Variants in DCP1A observed in about 807,000 individuals in gnomAD.
DCP1A encodes decapping mRNA 1A, also known as mRNA-decapping enzyme 1A.
DCP1A carries 20 observed loss-of-function variants against 58.0 expected under a neutral mutation model. That is an observed-to-expected ratio of 0.34 (90% CI 0.24 to 0.50). The LOEUF (loss-of-function observed/expected upper bound fraction) is 0.50, where lower values mean the gene tolerates loss of function less well. Among genes scored for constraint, DCP1A ranks in the 20% least tolerant of loss-of-function variants. The pLI, the probability that DCP1A is intolerant of heterozygous loss-of-function variation, is 0.98. For missense variants in DCP1A, 613 were observed against 712.2 expected, an observed-to-expected ratio of 0.86 and a Z score of 1.59; for synonymous variants, 285 against 275.1, an observed-to-expected ratio of 1.04 and a Z score of -0.36.
At chr3:53,287,783 C>A in intron 9 of DCP1A, 123 bp from the exon 10 acceptor site, 1 of 709,472 alleles carries the variant, frequency 1.4e-6, no homozygotes, top group South Asian at 1.8e-5. Flanking sequence ...AATCCCACCA[C>A]CCAGAGACAA....
Position 53,347,523 on chromosome 3 carries a change from A to G in DCP1A, c.-6T>C. On this transcript the variant is annotated 5_prime_UTR_variant, in exon 1 of 10. Coordinates refer to ENST00000610213, the MANE Select transcript of DCP1A (RefSeq NM_018403.7). The stretch of plus-strand genomic sequence containing the variant: ...GCTCGACTCAGCGCCTCCATCTTGA[A>G]TCCCAGAGCCTAGCCCCTCTGGTGG... 1 of 1,608,806 alleles carries G rather than the reference A, an allele frequency of 6.2e-7. No homozygotes were observed. Among genetic ancestry groups the G allele is most frequent in the Admixed American group, 1.7e-5 (1 of 59,146 alleles).
At chr3:53,300,150 G>A (rs1553687256) in intron 6 of DCP1A, among the ~76,000 whole-genome samples, 4 of 152,094 alleles carry the variant, frequency 2.6e-5, no homozygotes, top group Non-Finnish European at 5.9e-5. Flanking sequence ...TGGGATTACA[G>A]GTGTGAGCCT....
intron 4 of DCP1A, among the ~76,000 whole-genome samples, chr3:53,315,320 A>G (rs1707769251): frequency 6.6e-6 from 1 of 151,976 alleles, no homozygotes. Flanking sequence ...TGGGTGGATC[A>G]TGAGGTCAGG....
Position 53,330,467 on chromosome 3 carries a change from G to A in DCP1A, c.305-10994C>T, listed in dbSNP as rs1178412892. Among the ~76,000 whole-genome samples, 3 of 151,896 alleles carry A rather than the reference G, an allele frequency of 2.0e-5. No individual in the cohort carries two copies. In the East Asian group the frequency reaches 5.8e-4, roughly 29 times the overall value. ...CCTAGCTACTCAGGGCAGTGGCTGA[G>A]GATGGAGGATCATTTGGACACTATA... is the stretch of plus-strand genomic sequence containing the variant. On this transcript the variant is annotated intron_variant, in intron 3 of 9. Coordinates refer to ENST00000610213, the MANE Select transcript of DCP1A (RefSeq NM_018403.7).
chr3:53,321,593 C>T (rs1358883845), intron 3 of DCP1A, among the ~76,000 whole-genome samples: 1 of 152,112 alleles, frequency 6.6e-6, no homozygotes, highest in African/African-American at 2.4e-5. Context: ...GTAGCGCATG[C>T]CCGTAATCCC....
intron 3 of DCP1A, among the ~76,000 whole-genome samples, chr3:53,334,702 T>G (rs1553691699): frequency 6.6e-6 from 1 of 152,164 alleles, no homozygotes; most frequent in Non-Finnish European, 1.5e-5. Flanking sequence ...ATTAATCATG[T>G]TATACTGTGG....
rs1706650638 is a variant in DCP1A at position 53,286,788 on chromosome 3, G to C, written c.*792C>G. 6.6e-6 allele frequency: 1 copy of C among 152,230 alleles called. No individual in the cohort carries two copies. Among genetic ancestry groups the C allele is most frequent in the Non-Finnish European group, 1.5e-5 (1 of 68,044 alleles). The allele number at this position is 152,230 out of a possible 1,614,324, so 9.4% of individuals were successfully genotyped here. ...AGGCTGTGCTTCACACACAAACTTA[G>C]CATTTTCAGAACCAATGGAGAGTTT... is the stretch of plus-strand genomic sequence containing the variant. On this transcript the variant is annotated 3_prime_UTR_variant, in exon 10 of 10. Coordinates refer to ENST00000610213, the MANE Select transcript of DCP1A (RefSeq NM_018403.7).
intron 6 of DCP1A, among the ~76,000 whole-genome samples, chr3:53,296,958 G>T (rs1363347117): frequency 6.6e-6 from 1 of 152,170 alleles, no homozygotes; most frequent in Non-Finnish European, 1.5e-5. Context: ...AGGAATCACC[G>T]AACTGTTTTT....
intron 5 of DCP1A, 123 bp downstream of exon 5, chr3:53,312,117 CT>C: frequency 9.5e-7 from 1 of 1,052,136 alleles, no homozygotes; most frequent in Non-Finnish European, 1.3e-6. Context: ...AACACGCTCT[CT>C]TTTTGAACTT....
At chr3:53,304,649 T>C (rs868938724) in intron 5 of DCP1A, among the ~76,000 whole-genome samples, 14 of 152,204 alleles carry the variant, frequency 9.2e-5, no homozygotes, top group Admixed American at 5.2e-4. Flanking sequence ...CTTGGCTCAC[T>C]ACAACCTCTG....
At chr3:53,298,672 A>G (rs1282819193) in intron 6 of DCP1A, among the ~76,000 whole-genome samples, 1 of 152,222 alleles carries the variant, frequency 6.6e-6, no homozygotes, top group Non-Finnish European at 1.5e-5. Flanking sequence ...TCAGCAAAGT[A>G]TAGGTTACCT....
At position 53,292,457 on chromosome 3, in the gene DCP1A, G is replaced by A. The variant is rs1379508506; in HGVS notation, c.995C>T (p.Pro332Leu). The A allele has an allele frequency of 4.3e-6, 7 of 1,614,014 alleles. No homozygotes were observed. Among genetic ancestry groups the A allele is most frequent in the Non-Finnish European group, 5.1e-6 (6 of 1,179,906 alleles). The change falls in exon 7 of 10, where the codon CCC (proline) becomes CTC (leucine). Residue 332 changes from proline (P) to leucine (L), a missense_variant. By Grantham distance (98) the Pro-to-Leu change is moderately conservative. Coordinates refer to ENST00000610213, the MANE Select transcript of DCP1A (RefSeq NM_018403.7). ...GGTGCTGTTTCGAGGTAAGCTGGGG[G>A]GAACCTGTGCAGTAGGAGCTTCAGC... ...LPAEAPTAQV[P>L]PSLPRNSTMM...
chr3:53,346,694 G>T (rs145637543), intron 1 of DCP1A, among the ~76,000 whole-genome samples: 33 of 152,254 alleles, frequency 2.2e-4, no homozygotes, highest in Non-Finnish European at 4.9e-4. Flanking sequence ...AGTCCGAGGG[G>T]AGCATTCAGA....
chr3:53,292,892 T>C (rs1706976768), intron 6 of DCP1A, 65 bp from the exon 7 acceptor site: 1 of 1,497,324 alleles, frequency 6.7e-7, no homozygotes, highest in Non-Finnish European at 8.9e-7. Flanking sequence ...CCAAACTTCT[T>C]TTCCAGAAGC....
intron 1 of DCP1A, among the ~76,000 whole-genome samples, chr3:53,345,355 A>G (rs2089279367): frequency 6.6e-6 from 1 of 152,168 alleles, no homozygotes; most frequent in East Asian, 1.9e-4. Context: ...AAAGGAATGA[A>G]ACTTTCTTAT....
intron 6 of DCP1A, among the ~76,000 whole-genome samples, chr3:53,298,092 C>T (rs1263770907): frequency 6.6e-6 from 1 of 152,154 alleles, no homozygotes; most frequent in East Asian, 1.9e-4. Context: ...GTGGTGTGCA[C>T]CTGTGGTCCT....
chr3:53,311,266 A>G (rs552433964), intron 5 of DCP1A, among the ~76,000 whole-genome samples: 2 of 152,188 alleles, frequency 1.3e-5, no homozygotes, highest in African/African-American at 4.8e-5. Flanking sequence ...ATAGGCATGA[A>G]AGGAAAGCAC....
intron 5 of DCP1A, among the ~76,000 whole-genome samples, chr3:53,305,475 G>A (rs1205307899): frequency 4.6e-5 from 7 of 151,744 alleles, no homozygotes; most frequent in African/African-American, 1.7e-4. Flanking sequence ...TCAGCCTCCT[G>A]AGTAGCTGGG....
At chr3:53,346,806 C>A (rs1435357365) in intron 1 of DCP1A, among the ~76,000 whole-genome samples, 1 of 152,132 alleles carries the variant, frequency 6.6e-6, no homozygotes, top group African/African-American at 2.4e-5. Context: ...AAGCCCTTTT[C>A]CTAAGTGCCT....
Sources: allele counts gnomAD v4.1 joint callset (sites outside exome capture counted in the v4.1 genomes callset), GRCh38; gene constraint gnomAD v4.1.1; transcripts MANE v1.5; gene names NCBI Gene and HGNC (gene_info 2026-07-23, HGNC 2026-07-21).